ATP2B1: variants seen among roughly 807,000 people sequenced by gnomAD.
ATP2B1 encodes the protein plasma membrane calcium-transporting ATPase 1.
In ATP2B1, 14 loss-of-function variants were observed where a neutral mutation model predicts 124.2. That is an observed-to-expected ratio of 0.11 (90% CI 0.07 to 0.18). ATP2B1 has a LOEUF of 0.18. Among genes scored for constraint, ATP2B1 ranks in the 10% least tolerant of loss-of-function variants. ATP2B1 has a pLI of 1.00. For synonymous variants in ATP2B1, 449 were observed against 492.4 expected (o/e 0.91, Z 1.17); for missense variants, 763 against 1,466.1 (o/e 0.52, Z 7.83).
chr12:89,598,038 G>GC (rs1875004707), intron 20 of ATP2B1, among the ~76,000 whole-genome samples: 1 of 12,700 alleles, frequency 7.9e-5, no homozygotes, highest in Non-Finnish European at 2.2e-4. Flanking sequence ...GCACAACCAA[G>GC]CAAAAAAAAA....
At chr12:89,688,977 AGTT>A (rs541589580) in intron 1 of ATP2B1, among the ~76,000 whole-genome samples, 7 of 152,198 alleles carry the variant, frequency 4.6e-5, no homozygotes, top group African/African-American at 1.7e-4. Flanking sequence ...CCTCAACCTT[AGTT>A]GTTATTTAGA....
intron 1 of ATP2B1, among the ~76,000 whole-genome samples, chr12:89,693,266 T>C (rs1423318052): frequency 6.6e-6 from 1 of 152,120 alleles, no homozygotes; most frequent in Non-Finnish European, 1.5e-5. Flanking sequence ...TACAAAGGCA[T>C]AAACAATGAA....
intron 1 of ATP2B1, among the ~76,000 whole-genome samples, chr12:89,682,845 C>T (rs939222090): frequency 6.6e-6 from 1 of 152,120 alleles, no homozygotes; most frequent in Non-Finnish European, 1.5e-5. Context: ...AATTTGACCA[C>T]AAAATTAAAC....
chr12:89,692,816 T>G lies in ATP2B1; in HGVS notation c.-222+15780A>C, dbSNP rs143273398. On this transcript the variant is annotated intron_variant, in intron 1 of 20. Transcript: ENST00000428670. Reference sequence around the variant, plus strand: ...TCTTTCTTAAATGTATGTATGGAATTACTTATTTCAATGTTTAATATCAGA... The same window carrying G: ...TCTTTCTTAAATGTATGTATGGAATGACTTATTTCAATGTTTAATATCAGA... Among the ~76,000 whole-genome samples, 140 of 152,342 alleles carry G rather than the reference T, an allele frequency of 9.2e-4. No individual in the cohort carries two copies. The Middle Eastern group carries it at 0.01, about 11-fold the overall frequency.
chr12:89,645,195 A>G (rs1266136282), intron 2 of ATP2B1, among the ~76,000 whole-genome samples: 1 of 152,228 alleles, frequency 6.6e-6, no homozygotes, highest in East Asian at 1.9e-4. Context: ...TAAATCATAA[A>G]CAGGGCAACT....
chr12:89,635,624 G>A (rs916896855), intron 3 of ATP2B1, among the ~76,000 whole-genome samples: 1 of 152,142 alleles, frequency 6.6e-6, no homozygotes, highest in Non-Finnish European at 1.5e-5. Flanking sequence ...TGAGGATACT[G>A]GTAAAGTAGG....
intron 2 of ATP2B1, among the ~76,000 whole-genome samples, chr12:89,653,707 G>A (rs1885592834): frequency 6.6e-6 from 1 of 152,144 alleles, no homozygotes; most frequent in Non-Finnish European, 1.5e-5. Context: ...AAAAACCACT[G>A]TACTAGAGGT....
intron 1 of ATP2B1, among the ~76,000 whole-genome samples, chr12:89,662,093 C>A (rs528835172): frequency 4.7e-4 from 71 of 151,490 alleles, no homozygotes; most frequent in African/African-American, 1.7e-3. Context: ...CTTTATCCAT[C>A]TTTGATCTCC....
intron 2 of ATP2B1, among the ~76,000 whole-genome samples, chr12:89,654,144 G>T (rs963657591): frequency 6.6e-6 from 1 of 152,164 alleles, no homozygotes; most frequent in African/African-American, 2.4e-5. Context: ...ACATCTCAAA[G>T]TCGGTTTGCA....
chr12:89,707,796 G>C (rs1010921712), intron 1 of ATP2B1, among the ~76,000 whole-genome samples: 1 of 152,068 alleles, frequency 6.6e-6, no homozygotes, highest in African/African-American at 2.4e-5. Flanking sequence ...GCAGAACCAG[G>C]GGTCGCTAAC....
chr12:89,599,113 A>AT lies in ATP2B1; in HGVS notation c.3351+3dup. ...TCTCTCCTACCTCTCTACCAGGCCC[A>AT]TACCTGTGTTTGGATTCTGTTCAGA... On this transcript the variant is annotated splice_donor_region_variant and intron_variant, in intron 20 of 20. Coordinates refer to ENST00000428670, the MANE Select transcript of ATP2B1 (RefSeq NM_001366521.1). 4.3e-6 allele frequency: 7 copies of AT among 1,613,272 alleles called. No individual in the cohort carries two copies. Among genetic ancestry groups the AT allele is most frequent in the Non-Finnish European group, 5.9e-6 (7 of 1,179,330 alleles).
chr12:89,674,564 G>GT (rs1046180514), intron 1 of ATP2B1, among the ~76,000 whole-genome samples: 3 of 152,164 alleles, frequency 2.0e-5, no homozygotes, highest in African/African-American at 7.2e-5. Flanking sequence ...TATGCTGCCA[G>GT]TTTTACATAA....
At chr12:89,692,413 C>T (rs1344595024) in intron 1 of ATP2B1, among the ~76,000 whole-genome samples, 1 of 152,166 alleles carries the variant, frequency 6.6e-6, no homozygotes, top group African/African-American at 2.4e-5. Flanking sequence ...TCTTCACTTT[C>T]TCCCTATATC....
intron 3 of ATP2B1, among the ~76,000 whole-genome samples, chr12:89,639,357 A>C (rs1202890404): frequency 6.6e-6 from 1 of 152,040 alleles, no homozygotes; most frequent in Non-Finnish European, 1.5e-5. Context: ...TACAAAAATT[A>C]GCCAGGCATG....
chr12:89,679,630 T>G (rs1889092664), intron 1 of ATP2B1, among the ~76,000 whole-genome samples: 1 of 152,024 alleles, frequency 6.6e-6, no homozygotes, highest in Non-Finnish European at 1.5e-5. Context: ...AGTAGAGAAA[T>G]AAATGCCAAA....
At chr12:89,596,956 C>T (rs1002351102) in intron 20 of ATP2B1, among the ~76,000 whole-genome samples, 4 of 152,128 alleles carry the variant, frequency 2.6e-5, no homozygotes, top group Admixed American at 6.6e-5. Flanking sequence ...TATCAAGGGT[C>T]ATCTTGGGAG....
intron 8 of ATP2B1, among the ~76,000 whole-genome samples, 157 bp from the exon 9 acceptor site, chr12:89,624,554 T>C (rs1227923728): frequency 1.3e-5 from 2 of 152,236 alleles, no homozygotes; most frequent in Non-Finnish European, 2.9e-5. Flanking sequence ...TAACTTGACA[T>C]TGTCAGATTT....
intron 1 of ATP2B1, among the ~76,000 whole-genome samples, chr12:89,702,056 C>G (rs146236602): frequency 1.1e-4 from 16 of 152,258 alleles, no homozygotes; most frequent in African/African-American, 3.9e-4. Context: ...TCCTGGTACA[C>G]AAAGTTAACA....
chr12:89,598,039 CAA>C (rs10661138), intron 20 of ATP2B1, among the ~76,000 whole-genome samples: 6 of 60,546 alleles, frequency 9.9e-5, no homozygotes, highest in African/African-American at 3.5e-4. Flanking sequence ...CACAACCAAG[CAA>C]AAAAAAAAAA....
Sources: allele counts gnomAD v4.1 joint callset (sites outside exome capture counted in the v4.1 genomes callset), GRCh38; gene constraint gnomAD v4.1.1; transcripts MANE v1.5; gene names NCBI Gene and HGNC (gene_info 2026-07-23, HGNC 2026-07-21).